The following OSBPL3 variants were observed in gnomAD, a reference collection of about 807,000 sequenced individuals.
OSBPL3 encodes the protein oxysterol binding protein like 3, also known as oxysterol-binding protein-related protein 3.
OSBPL3 carries 65 observed loss-of-function variants against 120.1 expected under a neutral mutation model. The ratio of observed to expected loss-of-function variants is 0.54; its 90% confidence interval spans 0.44 to 0.67. The LOEUF (loss-of-function observed/expected upper bound fraction) is 0.67, where lower values mean the gene tolerates loss of function less well. OSBPL3 is among the 30% of genes least tolerant of loss of function. The pLI is 0.00. For missense variants in OSBPL3, 1,004 were observed against 1,082.1 expected (o/e 0.93, Z 1.01); for synonymous variants, 416 against 402.6 (o/e 1.03, Z -0.40).
chr7:24,817,997 AG>A lies in OSBPL3; in HGVS notation c.1949-1310del, dbSNP rs1479742314. ...ATCACAGGGAAATCAGGGTTGAAGCAGGGGGGACAGTGGGGAGCCCTGGCTG... is the reference window on the plus strand; with the variant it reads ...ATCACAGGGAAATCAGGGTTGAAGCAGGGGGACAGTGGGGAGCCCTGGCTG... On this transcript the variant is annotated intron_variant, in intron 17 of 22. Transcript: ENST00000313367. The surrounding 1 kb of genome is among the most constrained non-coding windows in gnomAD (Gnocchi z 4.0). 6.6e-6 allele frequency among the ~76,000 whole-genome samples: 1 copy of A among 152,174 alleles called. No individual in the cohort carries two copies. The highest frequency in any genetic ancestry group is 1.5e-5 in the Non-Finnish European group (1 of 68,024).
chr7:24,942,844 G>A (rs567736827), intron 1 of OSBPL3, among the ~76,000 whole-genome samples: 50 of 152,274 alleles, frequency 3.3e-4, no homozygotes, highest in African/African-American at 1.1e-3. Context: ...GGCAGGACAG[G>A]GCAAACTTTG....
chr7:24,860,976 G>A (rs1351171163), intron 10 of OSBPL3, among the ~76,000 whole-genome samples: 1 of 152,226 alleles, frequency 6.6e-6, no homozygotes, highest in Non-Finnish European at 1.5e-5. Context: ...GTAAATGCAT[G>A]TTTAATTTTA....
rs1326507610 is a variant in OSBPL3, at chr7:24,898,617, G to A, written c.-149-5996C>T. The stretch of plus-strand genomic sequence containing the variant: ...TTGCTCAGAGCCCAATCCAGCAACA[G>A]AAATGCACCTGGTGCATATTTGAAG... On this transcript the variant is annotated intron_variant, in intron 1 of 22. Coordinates refer to ENST00000313367, the MANE Select transcript of OSBPL3 (RefSeq NM_015550.4). This position sits in a 1 kb window ranked among gnomAD's most constrained non-coding sequence, Gnocchi z 4.3. Among the ~76,000 whole-genome samples the A allele has an allele frequency of 6.6e-6, 1 of 152,164 alleles. No homozygotes were observed. The highest frequency in any genetic ancestry group is 1.5e-5 in the Non-Finnish European group (1 of 68,022).
chr7:24,926,505 G>A (rs973175626), intron 1 of OSBPL3, among the ~76,000 whole-genome samples: 1 of 152,236 alleles, frequency 6.6e-6, no homozygotes, highest in East Asian at 1.9e-4. Context: ...TACATACAAG[G>A]CTCAATTACC....
In OSBPL3 at chr7:24,852,614, C is replaced by T. The variant is rs1799298501; in HGVS notation, c.1048G>A (p.Ala350Thr). 1 of 1,599,080 alleles carries T rather than the reference C, an allele frequency of 6.3e-7. No homozygotes were observed. The highest frequency in any genetic ancestry group is 1.3e-5 in the African/African-American group (1 of 74,118). ...CTCTCCGCTGACATGATATTAAAAG[C>T]TGACCTTAAAGTGAAGTAAACTATA... Reference protein sequence around the residue: ...AHKVYFTLRSAFNIMSAEREK... With the variant: ...AHKVYFTLRSTFNIMSAEREK... The change falls in exon 11 of 23, where the codon GCT becomes ACT. Residue 350 changes from alanine (A) to threonine (T), a missense_variant. Coordinates refer to ENST00000313367, the MANE Select transcript of OSBPL3 (RefSeq NM_015550.4). The surrounding 1 kb of genome is among the most constrained non-coding windows in gnomAD (Gnocchi z 4.1).
intron 5 of OSBPL3, 39 bp downstream of exon 5, chr7:24,870,693 C>A (rs1468977923): frequency 7.9e-7 from 1 of 1,258,932 alleles, no homozygotes; most frequent in Non-Finnish European, 1.2e-6. Flanking sequence ...GATACTTCCC[C>A]AACATAAGTG....
chr7:24,869,879 T>G (rs1341343051), intron 5 of OSBPL3, among the ~76,000 whole-genome samples: 1 of 152,170 alleles, frequency 6.6e-6, no homozygotes, highest in African/African-American at 2.4e-5. Flanking sequence ...TTCCTAATCC[T>G]CAGGCCCCAT....
chr7:24,801,816 G>A (rs1414220881), intron 22 of OSBPL3, among the ~76,000 whole-genome samples: 1 of 150,314 alleles, frequency 6.7e-6, no homozygotes, highest in African/African-American at 2.4e-5. Context: ...GGAAAAGTTT[G>A]GTGACTCTAG....
At chr7:24,956,762 T>C (rs935409793) in intron 1 of OSBPL3, among the ~76,000 whole-genome samples, 1 of 152,242 alleles carries the variant, frequency 6.6e-6, no homozygotes, top group South Asian at 2.1e-4. Context: ...AATGGAGATA[T>C]ACTGTTTTGT....
chr7:24,842,310 AC>A lies in OSBPL3; in HGVS notation c.1369del (p.Val457PhefsTer22), dbSNP rs1797881003. On this transcript the variant is annotated frameshift_variant, in exon 13 of 23. Coordinates refer to ENST00000313367, the MANE Select transcript of OSBPL3 (RefSeq NM_015550.4). LOFTEE classifies it high-confidence loss of function. ...SLSEFFDAQE[V>X]LLSPSSSENE... is the part of the protein sequence containing the mutation. ...TTCTGAAGAGCTTGGAGATAACAGA[AC>A]TTCCTGAGCATCAAAAAACTCAGAA... 1.2e-6 allele frequency: 2 copies of A among 1,613,726 alleles called. No individual in the cohort carries two copies. Among genetic ancestry groups the A allele is most frequent in the Non-Finnish European group, 1.7e-6 (2 of 1,179,864 alleles).
chr7:24,959,105 G>C lies in OSBPL3; in HGVS notation c.-150+20781C>G, dbSNP rs888712287. 2.0e-5 allele frequency among the ~76,000 whole-genome samples: 3 copies of C among 152,126 alleles called. No homozygotes were observed. The highest frequency in any genetic ancestry group is 2.9e-5 in the Non-Finnish European group (2 of 67,994). On this transcript the variant is annotated intron_variant, in intron 1 of 22. Coordinates refer to ENST00000313367, the MANE Select transcript of OSBPL3 (RefSeq NM_015550.4). The surrounding 1 kb of genome is among the most constrained non-coding windows in gnomAD (Gnocchi z 4.3). The stretch of plus-strand genomic sequence containing the variant: ...AACAAGTACAGATGTAGAGCAACTA[G>C]AACTATCATAAACTGCTGGAAGAAA...
intron 16 of OSBPL3, among the ~76,000 whole-genome samples, chr7:24,823,283 G>A (rs1447602623): frequency 6.6e-6 from 1 of 152,062 alleles, no homozygotes; most frequent in Non-Finnish European, 1.5e-5. Context: ...ATCATACACT[G>A]ATGTGGATTA....
intron 1 of OSBPL3, among the ~76,000 whole-genome samples, chr7:24,945,623 T>A (rs148847564): frequency 7.2e-4 from 110 of 152,312 alleles, no homozygotes; most frequent in African/African-American, 2.5e-3. Context: ...GGTGAAATGA[T>A]TACTGGCAGC....
At chr7:24,909,653 C>G (rs558268681) in intron 1 of OSBPL3, among the ~76,000 whole-genome samples, 5 of 152,080 alleles carry the variant, frequency 3.3e-5, no homozygotes, top group African/African-American at 1.2e-4. Flanking sequence ...CACCTCTGTA[C>G]GTCTTAACAG....
chr7:24,852,273 C>T lies in OSBPL3; in HGVS notation c.1158+231G>A, dbSNP rs57811357. Among the ~76,000 whole-genome samples, 2 of 152,106 alleles carry T rather than the reference C, an allele frequency of 1.3e-5. No individual in the cohort carries two copies. Among genetic ancestry groups the T allele is most frequent in the African/African-American group, 2.4e-5 (1 of 41,406 alleles). ...GAGAAACAAAAAAATTAAGATCAGT[C>T]AGAGGAAACCAAACTTAAAGAAGGT... On this transcript the variant is annotated intron_variant, in intron 11 of 22. Coordinates refer to ENST00000313367, the MANE Select transcript of OSBPL3 (RefSeq NM_015550.4). The surrounding 1 kb of genome is among the most constrained non-coding windows in gnomAD (Gnocchi z 4.1).
chr7:24,877,351 A>T lies in OSBPL3; in HGVS notation c.97-5282T>A, dbSNP rs1029134856. Among the ~76,000 whole-genome samples, 1 of 152,160 alleles carries T rather than the reference A, an allele frequency of 6.6e-6. No homozygotes were observed. Among genetic ancestry groups the T allele is most frequent in the Non-Finnish European group, 1.5e-5 (1 of 68,028 alleles). On this transcript the variant is annotated intron_variant, in intron 2 of 22. Transcript: ENST00000313367. The surrounding 1 kb of genome is among the most constrained non-coding windows in gnomAD (Gnocchi z 4.8). The stretch of plus-strand genomic sequence containing the variant: ...TATACTGTAATCCCACCAAACAGGG[A>T]AGGGAAATTAGCCTGTGCATTTTAA...
In OSBPL3 at chr7:24,820,236, G is replaced by A. The variant is rs201999036; in HGVS notation, c.1887C>T (p.Val629=). ...DKGFQFFSEQ[V]SHHPPISACH... ...ACGCAGAGATAGGCGGATGGTGGCT[G>A]ACCTGATGGAAACAAAGGACAGAAA... The change falls in exon 17 of 23, where the codon GTC becomes GTT. Residue 629 remains valine, a splice_region_variant and synonymous_variant. Coordinates refer to ENST00000313367, the MANE Select transcript of OSBPL3 (RefSeq NM_015550.4). The surrounding 1 kb of genome is among the most constrained non-coding windows in gnomAD (Gnocchi z 4.6). 6.8e-6 allele frequency: 11 copies of A among 1,610,828 alleles called. No individual in the cohort carries two copies. Among genetic ancestry groups the A allele is most frequent in the Non-Finnish European group, 9.3e-6 (11 of 1,177,844 alleles).
chr7:24,830,832 G>A lies in OSBPL3; in HGVS notation c.1820C>T (p.Pro607Leu), dbSNP rs748556997. 13 of 1,613,830 alleles carry A rather than the reference G, an allele frequency of 8.1e-6. No individual in the cohort carries two copies. Among genetic ancestry groups the A allele is most frequent in the South Asian group, 6.6e-5 (6 of 91,064 alleles). Residue 607 changes from proline to leucine, a missense_variant, in exon 16 of 23, where the codon CCG (proline) becomes CTG (leucine). Physicochemically the swap from Pro to Leu is moderately conservative, Grantham distance 98 (BLOSUM62 -3). Transcript: ENST00000313367. This position sits in a 1 kb window ranked among gnomAD's most constrained non-coding sequence, Gnocchi z 4.4. ...YYRAGSKPFNPVLGETYECIR... is the reference protein window; with the variant it reads ...YYRAGSKPFNLVLGETYECIR... ...ACATTCATATGTTTCTCCAAGAACC[G>A]GATTAAATGGCTTGCTTCCAGCTCG...
chr7:24,878,548 G>A (rs1283048052), intron 2 of OSBPL3, among the ~76,000 whole-genome samples: 1 of 152,078 alleles, frequency 6.6e-6, no homozygotes, highest in Non-Finnish European at 1.5e-5. Context: ...GACAATACTT[G>A]TCAATAGATT....
Sources: gnomAD v4.1 joint callset for allele counts (sites outside exome capture counted in the v4.1 genomes callset) on GRCh38, gnomAD v4.1.1 for gene constraint, Gnocchi (gnomAD v3.1) non-coding constraint, MANE v1.5 for transcripts, NCBI Gene and HGNC (gene_info 2026-07-23, HGNC 2026-07-21) for gene names.